Variants in ADGRG7 observed in about 807,000 individuals in gnomAD.
The protein encoded by ADGRG7 is G-protein coupled receptor 128.
In ADGRG7, 82 loss-of-function variants were observed where a neutral mutation model predicts 88.6. The ratio of observed to expected loss-of-function variants is 0.93; its 90% CI spans 0.77 to 1.11. The LOEUF is 1.11. Ranked by LOEUF, ADGRG7 falls within the 50% of genes most tolerant of loss-of-function variation. The pLI is 0.00. For missense variants in ADGRG7, 945 were observed against 953.4 expected (o/e 0.99, Z 0.12); for synonymous variants, 381 against 345.2 (o/e 1.10, Z -1.15).
intron 15 of ADGRG7, among the ~76,000 whole-genome samples, chr3:100,693,109 C>T (rs1263735115): frequency 6.6e-6 from 1 of 152,062 alleles, no homozygotes; most frequent in Non-Finnish European, 1.5e-5. Flanking sequence ...TTAGGAAGCA[C>T]AGAAATATTG....
intron 10 of ADGRG7, among the ~76,000 whole-genome samples, chr3:100,649,487 A>C (rs1369404908): frequency 4.6e-5 from 7 of 152,192 alleles, no homozygotes; most frequent in Non-Finnish European, 8.8e-5. Flanking sequence ...TAGTTAGATA[A>C]TTATTCTCAA....
At chr3:100,692,996 T>G (rs994762075) in intron 15 of ADGRG7, among the ~76,000 whole-genome samples, 12 of 152,232 alleles carry the variant, frequency 7.9e-5, no homozygotes, top group Non-Finnish European at 1.5e-5. Context: ...AAACATTTAC[T>G]AAATGCTACA....
intron 5 of ADGRG7, 83 bp downstream of exon 5, chr3:100,635,909 C>A: frequency 1.0e-6 from 1 of 999,250 alleles, no homozygotes; most frequent in Non-Finnish European, 1.5e-6. Context: ...GTCCTGAATA[C>A]CACTCCTTAT....
At chr3:100,618,007 A>G (rs1707250096) in intron 1 of ADGRG7, among the ~76,000 whole-genome samples, 1 of 152,200 alleles carries the variant, frequency 6.6e-6, no homozygotes, top group Non-Finnish European at 1.5e-5. Context: ...GGCTGCATAA[A>G]TGTCTTCTGT....
At position 100,679,093 on chromosome 3, in the gene ADGRG7, C is replaced by G. The variant is rs544225775; in HGVS notation, c.2136+9988C>G. ...GTCGGTCCAGAGGTGCCATCTGGGA[C>G]CCAGGGCCTGTAGTTAGGAGCCTCA... On this transcript the variant is annotated intron_variant, in intron 15 of 15. Coordinates refer to ENST00000273352, the MANE Select transcript of ADGRG7 (RefSeq NM_032787.3). 5.6e-4 allele frequency among the ~76,000 whole-genome samples: 86 copies of G among 152,288 alleles called. 1 individual carries two copies. In the South Asian group the frequency reaches 0.017, roughly 30 times the overall value.
At position 100,655,020 on chromosome 3, in the gene ADGRG7, C is replaced by A. The variant is rs372225636; in HGVS notation, c.1565C>A (p.Pro522Gln). The change falls in exon 12 of 16, where the codon CCG (proline) becomes CAG (glutamine). Residue 522 changes from proline to glutamine, a missense_variant. Coordinates refer to ENST00000273352, the MANE Select transcript of ADGRG7 (RefSeq NM_032787.3). ...CCCAGGACAGACACCATTAACATCCCGAATCCCATGTGCACTGCGATTGCC... is the reference window on the plus strand; with the variant it reads ...CCCAGGACAGACACCATTAACATCCAGAATCCCATGTGCACTGCGATTGCC... ...DIPRTDTINI[P>Q]NPMCTAIAAL... 2 of 1,614,050 alleles carry A rather than the reference C, an allele frequency of 1.2e-6. No homozygotes were observed. The highest frequency in any genetic ancestry group is 1.1e-5 in the South Asian group (1 of 91,064).
intron 1 of ADGRG7, among the ~76,000 whole-genome samples, chr3:100,623,526 C>T (rs1212414842): frequency 6.6e-6 from 1 of 151,896 alleles, no homozygotes; most frequent in African/African-American, 2.4e-5. Context: ...GTTCTTTTTT[C>T]CAATTTTTAA....
At chr3:100,665,208 A>T (rs918845315) in intron 14 of ADGRG7, 4 of 539,944 alleles carry the variant, frequency 7.4e-6, no homozygotes, top group Admixed American at 3.9e-5. Context: ...ACAGGACTGG[A>T]GAAAATAAAG....
At chr3:100,675,747 T>G (rs2094964527) in intron 15 of ADGRG7, among the ~76,000 whole-genome samples, 1 of 152,154 alleles carries the variant, frequency 6.6e-6, no homozygotes, top group Admixed American at 6.5e-5. Context: ...GGGCTTTTCT[T>G]TGCTAGGAAA....
chr3:100,638,051 G>A (rs1454155585), intron 6 of ADGRG7, among the ~76,000 whole-genome samples: 4 of 152,210 alleles, frequency 2.6e-5, no homozygotes, highest in African/African-American at 7.2e-5. Context: ...GCCCCAGAGG[G>A]CATGTTACAA....
chr3:100,635,654 T>A, intron 4 of ADGRG7, 23 bp from the exon 5 acceptor site: 2 of 1,606,544 alleles, frequency 1.2e-6, no homozygotes, highest in Non-Finnish European at 1.7e-6. Context: ...AAGCTAGGGT[T>A]TTTTTTCTGG....
At chr3:100,667,460 AATG>A (rs2094953374) in intron 14 of ADGRG7, among the ~76,000 whole-genome samples, 1 of 152,132 alleles carries the variant, frequency 6.6e-6, no homozygotes, top group South Asian at 2.1e-4. Context: ...GCTTGCTCAG[AATG>A]ATGGTTTCCA....
chr3:100,646,128 T>A lies in ADGRG7; in HGVS notation c.1110+20T>A, dbSNP rs1313018875. 2 of 1,501,962 alleles carry A rather than the reference T, an allele frequency of 1.3e-6. No individual in the cohort carries two copies. Among genetic ancestry groups the A allele is most frequent in the South Asian group, 1.1e-5 (1 of 89,028 alleles). 93.0% of individuals were successfully genotyped at this position (1,501,962 alleles called of 1,614,324 possible). ...CCAAAGGTGAGTTTTTCATTGCAGATGCAAGAAAAAAGTGTCCTCATGCTT... is the reference window on the plus strand; with the variant it reads ...CCAAAGGTGAGTTTTTCATTGCAGAAGCAAGAAAAAAGTGTCCTCATGCTT... On this transcript the variant is annotated intron_variant, in intron 9 of 15. Coordinates refer to ENST00000273352, the MANE Select transcript of ADGRG7 (RefSeq NM_032787.3).
chr3:100,645,475 T>C (rs1228166590), intron 8 of ADGRG7, among the ~76,000 whole-genome samples: 2 of 152,190 alleles, frequency 1.3e-5, no homozygotes, highest in Non-Finnish European at 2.9e-5. Context: ...ACACCACTTG[T>C]CCCCTTTGAA....
At chr3:100,666,933 C>A (rs1144112) in intron 14 of ADGRG7, among the ~76,000 whole-genome samples, 2 of 151,872 alleles carry the variant, frequency 1.3e-5, no homozygotes, top group Non-Finnish European at 2.9e-5. Context: ...CTGAGTTTGA[C>A]GCAGCACATG....
Position 100,642,847 on chromosome 3 carries a change from C to T in ADGRG7, c.699-419C>T, listed in dbSNP as rs193164558. Reference sequence around the variant, plus strand: ...CAACTTACAAAACATGCTTTGGATCCTAAGGGGTTTGGGTGAGAGGAAGAA... The same window carrying T: ...CAACTTACAAAACATGCTTTGGATCTTAAGGGGTTTGGGTGAGAGGAAGAA... On this transcript the variant is annotated intron_variant, in intron 6 of 15. Transcript: ENST00000273352. Among the ~76,000 whole-genome samples, 5 of 152,232 alleles carry T rather than the reference C, an allele frequency of 3.3e-5. No homozygotes were observed. The East Asian group carries it at 9.6e-4, about 29-fold the overall frequency.
intron 1 of ADGRG7, among the ~76,000 whole-genome samples, chr3:100,620,098 A>G (rs1386485265): frequency 6.6e-6 from 1 of 152,194 alleles, no homozygotes; most frequent in South Asian, 2.1e-4. Context: ...TGGCAGAGAC[A>G]CAACAAAAAA....
chr3:100,689,745 C>T (rs2094989849), intron 15 of ADGRG7, among the ~76,000 whole-genome samples: 1 of 152,200 alleles, frequency 6.6e-6, no homozygotes. Context: ...GAGAGATGTG[C>T]TGTTAGTCTG....
chr3:100,645,237 G>A (rs144740305), intron 8 of ADGRG7, among the ~76,000 whole-genome samples: 235 of 152,346 alleles, frequency 1.5e-3, no homozygotes, highest in African/African-American at 5.1e-3. Flanking sequence ...TGCCACCAAC[G>A]GGCTGGGTGC....
Sources: allele counts gnomAD v4.1 joint callset (sites outside exome capture counted in the v4.1 genomes callset), GRCh38; gene constraint gnomAD v4.1.1; transcripts MANE v1.5; gene names NCBI Gene and HGNC (gene_info 2026-07-23, HGNC 2026-07-21).